Variants in PIEZO2 observed in about 807,000 individuals in gnomAD.
PIEZO2 encodes the protein piezo-type mechanosensitive ion channel component 2.
In PIEZO2, 172 loss-of-function variants were observed where a neutral mutation model predicts 337.3. That is an observed-to-expected ratio of 0.51 (90% CI 0.45 to 0.58). The LOEUF (loss-of-function observed/expected upper bound fraction) is 0.58. PIEZO2 is among the 20% of genes least tolerant of loss of function. The pLI, the probability that PIEZO2 is intolerant of heterozygous loss-of-function variation, is 0.00. For synonymous variants in PIEZO2, 1,251 were observed against 1,228.5 expected (o/e 1.02, Z -0.38); for missense variants, 3,028 against 3,391.3 (o/e 0.89, Z 2.66).
chr18:10,834,110 G>A lies in PIEZO2; in HGVS notation c.917+21243C>T, dbSNP rs145179501. 2.7e-3 allele frequency among the ~76,000 whole-genome samples: 417 copies of A among 152,318 alleles called. 3 individuals are homozygous for A. Among genetic ancestry groups the A allele is most frequent in the Middle Eastern group, 0.027 (8 of 294 alleles). ...TGTAACAATCACATCAGGGTAAGTG[G>A]GGTGTCCATCACCTACAGCGTTGAT... On this transcript the variant is annotated intron_variant, in intron 7 of 55. Transcript: ENST00000674853. The surrounding 1 kb of genome is among the most constrained non-coding windows in gnomAD (Gnocchi z 4.5).
At chr18:11,068,620 G>A in intron 1 of PIEZO2, among the ~76,000 whole-genome samples, 1 of 151,720 alleles carries the variant, frequency 6.6e-6, no homozygotes, top group East Asian at 1.9e-4. Context: ...TACACCTCAA[G>A]GAACAAGAAA....
rs989545397 is a variant in PIEZO2 at position 10,855,799 on chromosome 18, TA to T, written c.704-234del. Among the ~76,000 whole-genome samples the T allele has an allele frequency of 6.6e-6, 1 of 152,196 alleles. No individual in the cohort carries two copies. The highest frequency in any genetic ancestry group is 2.4e-5 in the African/African-American group (1 of 41,452). On this transcript the variant is annotated intron_variant, in intron 6 of 55. Coordinates refer to ENST00000674853, the MANE Select transcript of PIEZO2 (RefSeq NM_001378183.1). This position sits in a 1 kb window ranked among gnomAD's most constrained non-coding sequence, Gnocchi z 4.9. ...TAAATACAAAGATATACCAGATGAT[TA>T]AAAAAATTCCACCTGTGGCGTCTGA... is the stretch of plus-strand genomic sequence containing the variant.
At chr18:10,985,096 A>G (rs2034820007) in intron 2 of PIEZO2, among the ~76,000 whole-genome samples, 1 of 152,144 alleles carries the variant, frequency 6.6e-6, no homozygotes, top group Non-Finnish European at 1.5e-5. Flanking sequence ...GATTTCTTCA[A>G]AATGAAATTG....
rs779562626 is a variant in PIEZO2, at chr18:10,717,653, A to C, written c.5089+547T>G. Reference sequence around the variant, plus strand: ...ACATACTATGAGGAGCCCAAATGGCACTGTGGCTGGACTGGCAGTTAGAAG... The same window carrying C: ...ACATACTATGAGGAGCCCAAATGGCCCTGTGGCTGGACTGGCAGTTAGAAG... On this transcript the variant is annotated intron_variant, in intron 37 of 55. Coordinates refer to ENST00000674853, the MANE Select transcript of PIEZO2 (RefSeq NM_001378183.1). 2.9e-4 allele frequency among the ~76,000 whole-genome samples: 44 copies of C among 152,324 alleles called. 1 individual carries two copies. Among genetic ancestry groups the C allele is most frequent in the Non-Finnish European group, 5.3e-4 (36 of 68,022 alleles).
At chr18:11,052,620 C>T (rs1227601584) in intron 2 of PIEZO2, among the ~76,000 whole-genome samples, 1 of 152,146 alleles carries the variant, frequency 6.6e-6, no homozygotes, top group Non-Finnish European at 1.5e-5. Flanking sequence ...AGAGTTACCA[C>T]TCAATAAGAT....
chr18:10,762,330 A>G (rs1334132567), intron 23 of PIEZO2, among the ~76,000 whole-genome samples, 170 bp downstream of exon 23: 2 of 152,218 alleles, frequency 1.3e-5, no homozygotes, highest in African/African-American at 2.4e-5. Context: ...TCTCTTTAAC[A>G]TGCCACAATA....
intron 4 of PIEZO2, among the ~76,000 whole-genome samples, chr18:10,889,785 G>T (rs1463252941): frequency 6.6e-6 from 1 of 152,176 alleles, no homozygotes; most frequent in Non-Finnish European, 1.5e-5. Context: ...CCTAAGAGCT[G>T]CCCAGGGGAC....
chr18:11,136,027 A>G (rs986470597), intron 1 of PIEZO2, among the ~76,000 whole-genome samples: 1 of 152,246 alleles, frequency 6.6e-6, no homozygotes, highest in African/African-American at 2.4e-5. Flanking sequence ...TACTCTAAAG[A>G]TAATTTGCTC....
At chr18:10,700,470 T>C (rs1425677145) in intron 43 of PIEZO2, among the ~76,000 whole-genome samples, 2 of 152,000 alleles carry the variant, frequency 1.3e-5, no homozygotes, top group Non-Finnish European at 1.5e-5. Context: ...TATACATTCA[T>C]ATATTTGAAA....
rs2033727533 is a variant in PIEZO2 at position 10,670,598 on chromosome 18, C to T, written c.*929G>A. ...AAAACAGGAAGGAAAATGTCACATA[C>T]TGGAAAAACCATTGCCTTAAATCAT... On this transcript the variant is annotated 3_prime_UTR_variant, in exon 56 of 56. Transcript: ENST00000674853. 6.6e-6 allele frequency: 1 copy of T among 152,174 alleles called. No homozygotes were observed. 9.4% of individuals were successfully genotyped at this position (152,174 alleles called of 1,614,324 possible). A position where few individuals can be genotyped will look rare whatever the true frequency, so the allele number is the denominator to read the frequency against.
At position 10,759,982 on chromosome 18, in the gene PIEZO2, G is replaced by C; in HGVS notation, c.3451-73C>G. 7.4e-7 allele frequency: 1 copy of C among 1,360,508 alleles called. No homozygotes were observed. Among genetic ancestry groups the C allele is most frequent in the East Asian group, 2.5e-5 (1 of 39,774 alleles). The allele number at this position is 1,360,508 out of a possible 1,614,324, so 84.3% of individuals were successfully genotyped here. ...AAAGGGGACTGGTGATAGGTGTCAG[G>C]TCTGTGTAGATGGCGGAGACCCATG... On this transcript the variant is annotated intron_variant, in intron 24 of 55. Transcript: ENST00000674853. The surrounding 1 kb of genome is among the most constrained non-coding windows in gnomAD (Gnocchi z 5.5).
intron 2 of PIEZO2, among the ~76,000 whole-genome samples, chr18:11,065,906 G>A (rs1442538053): frequency 2.0e-5 from 3 of 152,138 alleles, no homozygotes; most frequent in Non-Finnish European, 4.4e-5. Context: ...AGCCCTAATA[G>A]GGAATTTGTT....
At position 10,704,487 on chromosome 18, in the gene PIEZO2, C is replaced by A. The variant is rs890957793; in HGVS notation, c.6165G>T (p.Thr2055=). ...GGAAGATGAGGATGGGAAGCAGGAG[C>A]GTGATCATGGAGGCAGAGACCATGT... ...LNHMVSASMI[T]LLLPILIFLW... The change falls in exon 42 of 56, where the codon ACG becomes ACT. Residue 2055 remains threonine (T), a synonymous_variant. Coordinates refer to ENST00000674853, the MANE Select transcript of PIEZO2 (RefSeq NM_001378183.1). The A allele has an allele frequency of 6.5e-7, 1 of 1,537,172 alleles. No individual in the cohort carries two copies. The highest frequency in any genetic ancestry group is 8.7e-7 in the Non-Finnish European group (1 of 1,146,898).
At chr18:10,719,145 T>C (rs559471973) in intron 36 of PIEZO2, among the ~76,000 whole-genome samples, 60 of 152,198 alleles carry the variant, frequency 3.9e-4, no homozygotes, top group African/African-American at 1.2e-3. Context: ...CAAATGAAAG[T>C]GCAAGATAAC....
At chr18:11,066,620 G>A (rs1316112459) in intron 1 of PIEZO2, among the ~76,000 whole-genome samples, 1 of 152,156 alleles carries the variant, frequency 6.6e-6, no homozygotes, top group African/African-American at 2.4e-5. Flanking sequence ...TTTTGTTTGT[G>A]ACTGAGTTTT....
rs764336462 is a variant in PIEZO2 at position 10,670,537 on chromosome 18, G to A, written c.*990C>T. 1 of 152,178 alleles carries A rather than the reference G, an allele frequency of 6.6e-6. No homozygotes were observed. Among genetic ancestry groups the A allele is most frequent in the Non-Finnish European group, 1.5e-5 (1 of 68,028 alleles). The allele number at this position is 152,178 out of a possible 1,614,324, so 9.4% of individuals were successfully genotyped here. ...AAAAACCCGTCTCAGATGTAAAAAT[G>A]TGAATTGGAATATGTAAACTCTTTG... On this transcript the variant is annotated 3_prime_UTR_variant, in exon 56 of 56. Transcript: ENST00000674853.
intron 3 of PIEZO2, among the ~76,000 whole-genome samples, chr18:10,919,776 T>C (rs564014711): frequency 7.3e-4 from 111 of 152,264 alleles, no homozygotes; most frequent in African/African-American, 2.5e-3. Flanking sequence ...TGGTTTAAGA[T>C]TGGTTCTGAT....
At chr18:11,043,685 A>G (rs553524669) in intron 2 of PIEZO2, among the ~76,000 whole-genome samples, 43 of 152,240 alleles carry the variant, frequency 2.8e-4, no homozygotes, top group African/African-American at 9.9e-4. Context: ...CAAAATACAC[A>G]GAGAGCTTAC....
intron 3 of PIEZO2, among the ~76,000 whole-genome samples, chr18:10,955,966 T>A (rs1423193419): frequency 5.3e-5 from 8 of 152,198 alleles, no homozygotes; most frequent in Non-Finnish European, 8.8e-5. Flanking sequence ...TGAATAAACC[T>A]GAGCTGTGCT....
Sources: gnomAD v4.1 joint callset for allele counts (sites outside exome capture counted in the v4.1 genomes callset) on GRCh38, gnomAD v4.1.1 for gene constraint, Gnocchi (gnomAD v3.1) non-coding constraint, MANE v1.5 for transcripts, NCBI Gene and HGNC (gene_info 2026-07-23, HGNC 2026-07-21) for gene names.